The following MTUS1 variants were observed in gnomAD, a reference collection of about 807,000 sequenced individuals.
The protein encoded by MTUS1 is microtubule-associated tumor suppressor 1.
A neutral mutation model predicts 120.8 loss-of-function variants in MTUS1; 109 were observed. That is an observed-to-expected ratio of 0.90 (90% confidence interval 0.77 to 1.06). The LOEUF (loss-of-function observed/expected upper bound fraction) is 1.06, where lower values mean the gene tolerates loss of function less well. Ranked by LOEUF, MTUS1 falls within the 50% of genes least tolerant of loss-of-function variation. The pLI, the probability that MTUS1 is intolerant of heterozygous loss-of-function variation, is 0.00. For synonymous variants in MTUS1, 737 were observed against 550.5 expected (o/e 1.34, Z -4.74); for missense variants, 2,210 against 1,486.3 (o/e 1.49, Z -8.01).
chr8:17,667,245 T>A (rs1563165796), intron 8 of MTUS1, among the ~76,000 whole-genome samples: 1 of 152,174 alleles, frequency 6.6e-6, no homozygotes, highest in Non-Finnish European at 1.5e-5. Context: ...ATCAACTCAG[T>A]CTTCAAACAA....
At chr8:17,688,590 G>A (rs1231208590) in intron 6 of MTUS1, among the ~76,000 whole-genome samples, 4 of 152,096 alleles carry the variant, frequency 2.6e-5, no homozygotes, top group Admixed American at 6.5e-5. Flanking sequence ...TAATCTAATC[G>A]TACACATCTA....
chr8:17,692,927 G>T (rs936716055), intron 6 of MTUS1, among the ~76,000 whole-genome samples: 1 of 152,128 alleles, frequency 6.6e-6, no homozygotes, highest in Non-Finnish European at 1.5e-5. Flanking sequence ...CCCTCGATAC[G>T]TACGTACACA....
At chr8:17,767,241 C>G (rs945734311) in intron 1 of MTUS1, among the ~76,000 whole-genome samples, 1 of 138,568 alleles carries the variant, frequency 7.2e-6, no homozygotes, top group African/African-American at 2.6e-5. Flanking sequence ...TTTCATAAAT[C>G]TTTTAGTTAT....
chr8:17,654,619 T>C lies in MTUS1; in HGVS notation c.3156A>G (p.Glu1052=), dbSNP rs774552620. 7.4e-6 allele frequency: 12 copies of C among 1,614,202 alleles called. No individual in the cohort carries two copies. Among genetic ancestry groups the C allele is most frequent in the Non-Finnish European group, 1.0e-5 (12 of 1,179,980 alleles). The part of the protein sequence containing the change: ...AAHETSKLEI[E]ASHSEKLELL... The stretch of plus-strand genomic sequence containing the variant: ...ATTCAAGTTTCTCTGAGTGGCTAGC[T>C]TCAATTTCCAACTTAGAGGTTTCAT... The change falls in exon 10 of 15, where the codon GAA becomes GAG. Residue 1052 remains glutamate, a synonymous_variant. Coordinates refer to ENST00000693296, the MANE Select transcript of MTUS1 (RefSeq NM_001363059.2).
At chr8:17,685,359 T>C (rs1244140744) in intron 6 of MTUS1, among the ~76,000 whole-genome samples, 1 of 152,088 alleles carries the variant, frequency 6.6e-6, no homozygotes, top group African/African-American at 2.4e-5. Context: ...ATTCCAAATG[T>C]GTCATTTTGA....
At chr8:17,648,494 G>C (rs544281138) in intron 13 of MTUS1, among the ~76,000 whole-genome samples, 1 of 152,174 alleles carries the variant, frequency 6.6e-6, no homozygotes, top group African/African-American at 2.4e-5. Context: ...AGTCATCCCT[G>C]ACTACCAGAT....
At chr8:17,681,660 A>G (rs1468289616) in intron 7 of MTUS1, 3 of 154,804 alleles carry the variant, frequency 1.9e-5, no homozygotes, top group South Asian at 4.1e-4. Flanking sequence ...CTAGTATTCA[A>G]TAAATCCCTC....
intron 8 of MTUS1, among the ~76,000 whole-genome samples, chr8:17,663,567 T>C (rs6586620): frequency 0.47 from 70,765 of 152,000 alleles, 19,512 homozygotes; most frequent in Middle Eastern, 0.67. Flanking sequence ...GCAAATTACT[T>C]AAACTTTCTA....
chr8:17,737,681 C>T (rs1277736513), intron 3 of MTUS1, among the ~76,000 whole-genome samples: 1 of 152,116 alleles, frequency 6.6e-6, no homozygotes, highest in Non-Finnish European at 1.5e-5. Context: ...AAGACAGGGT[C>T]TCACTCTGTT....
In MTUS1 at chr8:17,743,687, C is replaced by G. The variant is rs1178830510; in HGVS notation, c.2204G>C (p.Cys735Ser). 1 of 1,614,158 alleles carries G rather than the reference C, an allele frequency of 6.2e-7. No individual in the cohort carries two copies. The highest frequency in any genetic ancestry group is 8.5e-7 in the Non-Finnish European group (1 of 1,180,024). ...TCTATTGTCACTGTTCCGCCTCAAACAGGAAACAGGGGGCCCCACTTTGGC... is the reference window on the plus strand; with the variant it reads ...TCTATTGTCACTGTTCCGCCTCAAAGAGGAAACAGGGGGCCCCACTTTGGC... ...PKAKVGPPVS[C>S]LRRNSDNRNP... The change falls in exon 3 of 15, where the codon TGT becomes TCT. Residue 735 changes from cysteine to serine, a missense_variant. Transcript: ENST00000693296.
chr8:17,696,337 A>G (rs576732144), intron 6 of MTUS1, among the ~76,000 whole-genome samples: 18 of 152,310 alleles, frequency 1.2e-4, no homozygotes, highest in Non-Finnish European at 2.2e-4. Flanking sequence ...CTGAAAACAA[A>G]TCACCAGGGA....
intron 1 of MTUS1, among the ~76,000 whole-genome samples, chr8:17,783,243 G>A (rs1260323806): frequency 6.6e-6 from 1 of 152,210 alleles, no homozygotes; most frequent in Non-Finnish European, 1.5e-5. Flanking sequence ...CCTGCCCAGT[G>A]AAGTCTCTGG....
intron 8 of MTUS1, among the ~76,000 whole-genome samples, chr8:17,665,072 T>C (rs1176042011): frequency 6.6e-6 from 1 of 152,190 alleles, no homozygotes; most frequent in Non-Finnish European, 1.5e-5. Flanking sequence ...CTCTTATGCT[T>C]TGTAGAAAGT....
At chr8:17,653,739 C>A (rs1807571012) in intron 10 of MTUS1, 2 of 434,708 alleles carry the variant, frequency 4.6e-6, no homozygotes, top group Non-Finnish European at 8.1e-6. Context: ...CCACCATGGC[C>A]CACAGAGGCC....
intron 1 of MTUS1, among the ~76,000 whole-genome samples, chr8:17,769,930 G>C (rs574584745): frequency 2.8e-4 from 41 of 148,290 alleles, no homozygotes; most frequent in African/African-American, 4.5e-4. Context: ...ACACACACGG[G>C]GGGGGTTGGG....
chr8:17,791,719 A>C (rs2051798892), intron 1 of MTUS1, among the ~76,000 whole-genome samples: 1 of 152,222 alleles, frequency 6.6e-6, no homozygotes, highest in Non-Finnish European at 1.5e-5. Context: ...CCTAAGGAAG[A>C]GGGAAAGTTA....
intron 7 of MTUS1, among the ~76,000 whole-genome samples, chr8:17,683,586 T>C (rs982035515): frequency 1.3e-5 from 2 of 152,204 alleles, no homozygotes; most frequent in Admixed American, 6.5e-5. Flanking sequence ...GCCACAGTAC[T>C]GAGCCAGTCT....
At chr8:17,716,757 T>C (rs1259228956) in intron 4 of MTUS1, among the ~76,000 whole-genome samples, 2 of 152,168 alleles carry the variant, frequency 1.3e-5, no homozygotes, top group African/African-American at 4.8e-5. Context: ...GGTTTCACTG[T>C]GTTAGGCAGG....
At chr8:17,706,481 CAAT>C (rs1248562110) in intron 6 of MTUS1, among the ~76,000 whole-genome samples, 6 of 152,222 alleles carry the variant, frequency 3.9e-5, no homozygotes, top group East Asian at 1.9e-4. Context: ...CAAGCTAAAA[CAAT>C]GATGTAACAT....
Sources: gnomAD v4.1 joint callset for allele counts (sites outside exome capture counted in the v4.1 genomes callset) on GRCh38, gnomAD v4.1.1 for gene constraint, MANE v1.5 for transcripts, NCBI Gene and HGNC (gene_info 2026-07-23, HGNC 2026-07-21) for gene names.